PPM1L: variants seen among roughly 807,000 people sequenced by gnomAD.
PPM1L encodes the protein protein phosphatase 1L.
In PPM1L, 13 loss-of-function variants were observed where a neutral mutation model predicts 31.4. The observed-to-expected ratio is 0.41, with a 90% CI of 0.27 to 0.66. The LOEUF (loss-of-function observed/expected upper bound fraction) is 0.66, where lower values mean the gene tolerates loss of function less well. Ranked by LOEUF, PPM1L falls within the 30% of genes least tolerant of loss-of-function variation. PPM1L has a pLI of 0.29. For missense variants in PPM1L, 326 were observed against 453.7 expected (o/e 0.72, Z 2.56); for synonymous variants, 184 against 175.4 (o/e 1.05, Z -0.39).
chr3:160,883,361 A>G (rs528445065), intron 1 of PPM1L, among the ~76,000 whole-genome samples: 1 of 152,210 alleles, frequency 6.6e-6, no homozygotes, highest in Non-Finnish European at 1.5e-5. Flanking sequence ...TTAAAAATGA[A>G]ATATGTGTAC....
chr3:160,787,292 C>T (rs1220040375), intron 1 of PPM1L, among the ~76,000 whole-genome samples: 1 of 152,162 alleles, frequency 6.6e-6, no homozygotes, highest in Non-Finnish European at 1.5e-5. Context: ...TTAATAATCA[C>T]CATTCTGACT....
At position 160,980,975 on chromosome 3, in the gene PPM1L, GA is replaced by G. The variant is rs567325328; in HGVS notation, c.574+19066del. 7.2e-5 allele frequency among the ~76,000 whole-genome samples: 11 copies of G among 152,242 alleles called. No homozygotes were observed. In the South Asian group the frequency reaches 2.3e-3, roughly 32 times the overall value. The stretch of plus-strand genomic sequence containing the variant: ...TTTCCCCAATCCCCTTCATGATGGA[GA>G]GGATTACCTATTATTATACTTGGCA... On this transcript the variant is annotated intron_variant, in intron 2 of 3. Transcript: ENST00000498165.
At chr3:160,915,694 C>T (rs1290924602) in intron 1 of PPM1L, among the ~76,000 whole-genome samples, 1 of 152,188 alleles carries the variant, frequency 6.6e-6, no homozygotes, top group Non-Finnish European at 1.5e-5. Flanking sequence ...CAGCATGGTA[C>T]TGGTACCAAA....
intron 1 of PPM1L, among the ~76,000 whole-genome samples, chr3:160,849,633 C>A (rs1316175910): frequency 6.6e-6 from 1 of 150,636 alleles, no homozygotes; most frequent in Non-Finnish European, 1.5e-5. Flanking sequence ...ACTGTGTGAG[C>A]CAGGATGGTC....
rs1560109816 is a variant in PPM1L at position 160,799,258 on chromosome 3, G to C, written c.399+42551G>C. On this transcript the variant is annotated intron_variant, in intron 1 of 3. Coordinates refer to ENST00000498165, the MANE Select transcript of PPM1L (RefSeq NM_139245.4). The stretch of plus-strand genomic sequence containing the variant: ...AATTTTTAAAGAAGTTCTACTCTGG[G>C]GAAAATGCTATCAAACAGCATCATA... 2.6e-5 allele frequency among the ~76,000 whole-genome samples: 4 copies of C among 152,264 alleles called. No individual in the cohort carries two copies. The South Asian group carries it at 8.3e-4, about 32-fold the overall frequency.
intron 2 of PPM1L, among the ~76,000 whole-genome samples, chr3:161,054,809 G>T (rs910989666): frequency 2.6e-5 from 4 of 152,150 alleles, no homozygotes; most frequent in African/African-American, 9.7e-5. Context: ...CATGGTGAAT[G>T]CTCAGTATAT....
chr3:160,886,506 C>G (rs181695944), intron 1 of PPM1L, among the ~76,000 whole-genome samples: 122 of 152,252 alleles, frequency 8.0e-4, no homozygotes, highest in African/African-American at 2.9e-3. Flanking sequence ...GATCAGGCAC[C>G]CATCTTTGCT....
intron 1 of PPM1L, among the ~76,000 whole-genome samples, chr3:160,779,143 G>A (rs1271479690): frequency 6.7e-6 from 1 of 149,054 alleles, no homozygotes; most frequent in Non-Finnish European, 1.5e-5. Flanking sequence ...AAAAGCAAAT[G>A]TCATTAGACA....
intron 1 of PPM1L, among the ~76,000 whole-genome samples, chr3:160,923,739 T>C (rs959616697): frequency 2.6e-5 from 4 of 152,222 alleles, no homozygotes; most frequent in South Asian, 2.1e-4. Context: ...TGTAGGATGC[T>C]ACTGCATTTG....
At chr3:161,026,383 C>G (rs1230791345) in intron 2 of PPM1L, among the ~76,000 whole-genome samples, 1 of 152,156 alleles carries the variant, frequency 6.6e-6, no homozygotes, top group Non-Finnish European at 1.5e-5. Context: ...ACATCTTAGT[C>G]AAGCTTTATA....
intron 1 of PPM1L, among the ~76,000 whole-genome samples, chr3:160,869,875 A>G (rs1305985531): frequency 6.6e-6 from 1 of 152,206 alleles, no homozygotes; most frequent in Non-Finnish European, 1.5e-5. Context: ...CATAGAGCTT[A>G]GAAGCCCTGG....
At chr3:160,904,451 G>A (rs1454145588) in intron 1 of PPM1L, among the ~76,000 whole-genome samples, 1 of 152,086 alleles carries the variant, frequency 6.6e-6, no homozygotes, top group Admixed American at 6.6e-5. Context: ...GAGGGATTAT[G>A]GTTGGTTTTG....
intron 2 of PPM1L, among the ~76,000 whole-genome samples, chr3:161,046,284 A>T (rs1464333262): frequency 6.6e-6 from 1 of 152,122 alleles, no homozygotes; most frequent in Non-Finnish European, 1.5e-5. Context: ...AGAAATACAA[A>T]CTACCATCAG....
At chr3:160,987,512 T>C (rs1717002293) in intron 2 of PPM1L, among the ~76,000 whole-genome samples, 1 of 152,206 alleles carries the variant, frequency 6.6e-6, no homozygotes, top group Non-Finnish European at 1.5e-5. Flanking sequence ...AGAGGCCAAT[T>C]TAGCATCAGT....
At position 161,071,947 on chromosome 3, in the gene PPM1L, T is replaced by C. The variant is rs1454357848; in HGVS notation, c.*2790T>C. 1 of 152,184 alleles carries C rather than the reference T, an allele frequency of 6.6e-6. No individual in the cohort carries two copies. Among genetic ancestry groups the C allele is most frequent in the Non-Finnish European group, 1.5e-5 (1 of 68,044 alleles). The allele number at this position is 152,184 out of a possible 1,614,324, so 9.4% of individuals were successfully genotyped here. A position where few individuals can be genotyped will look rare whatever the true frequency, so the allele number is the denominator to read the frequency against. ...ACTCCCTAGCTAGCTCGAGTTCGAA[T>C]TGCCAATAGTCCCCATGGTGCCAAA... On this transcript the variant is annotated 3_prime_UTR_variant, in exon 4 of 4. Coordinates refer to ENST00000498165, the MANE Select transcript of PPM1L (RefSeq NM_139245.4).
intron 1 of PPM1L, among the ~76,000 whole-genome samples, chr3:160,797,112 A>G (rs1394037452): frequency 6.6e-6 from 1 of 152,194 alleles, no homozygotes; most frequent in East Asian, 1.9e-4. Flanking sequence ...TGGCAACCCC[A>G]TGTTGAGCAA....
intron 1 of PPM1L, among the ~76,000 whole-genome samples, chr3:160,946,145 CT>C (rs1715401403): frequency 1.3e-5 from 2 of 152,168 alleles, no homozygotes; most frequent in African/African-American, 4.8e-5. Flanking sequence ...TATTTTGCAT[CT>C]AACTTTATCC....
rs1363436559 is a variant in PPM1L, at chr3:161,074,773, C to T, written c.*5616C>T. On this transcript the variant is annotated 3_prime_UTR_variant, in exon 4 of 4. Transcript: ENST00000498165. ...ATACGTACAACTGCTTTAATAAATC[C>T]AAGTTAAGGACTTTGAGGAGAGCAT... 6.6e-6 allele frequency: 1 copy of T among 151,954 alleles called. No homozygotes were observed. Among genetic ancestry groups the T allele is most frequent in the African/African-American group, 2.4e-5 (1 of 41,352 alleles). 9.4% of individuals were successfully genotyped at this position (151,954 alleles called of 1,614,324 possible).
At chr3:160,962,019 T>C in intron 2 of PPM1L, 109 bp downstream of exon 2, 1 of 690,780 alleles carries the variant, frequency 1.4e-6, no homozygotes, top group Non-Finnish European at 2.2e-6. Flanking sequence ...CAAAGTTATG[T>C]AACATGGACT....
Sources: gnomAD v4.1 joint callset for allele counts (sites outside exome capture counted in the v4.1 genomes callset) on GRCh38, gnomAD v4.1.1 for gene constraint, MANE v1.5 for transcripts, NCBI Gene and HGNC (gene_info 2026-07-23, HGNC 2026-07-21) for gene names.